Variants in TRDN observed in about 807,000 individuals in gnomAD.
TRDN encodes triadin, also known as triadin in skeletal muscle.
TRDN carries 161 observed loss-of-function variants against 149.7 expected under a neutral mutation model. That is an observed-to-expected ratio of 1.08 (90% CI 0.95 to 1.23). The LOEUF (loss-of-function observed/expected upper bound fraction) is 1.23. Ranked by LOEUF, TRDN falls within the 50% of genes most tolerant of loss-of-function variation. The probability of loss-of-function intolerance (pLI) is 0.00; values close to 1 mark genes in which losing one functional copy is unlikely to be tolerated. For synonymous variants in TRDN, 294 were observed against 250.5 expected (o/e 1.17, Z -1.64); for missense variants, 896 against 823.5 (o/e 1.09, Z -1.08).
At chr6:123,472,912 A>C (rs1202853641) in intron 9 of TRDN, among the ~76,000 whole-genome samples, 2 of 152,238 alleles carry the variant, frequency 1.3e-5, no homozygotes, top group Non-Finnish European at 2.9e-5. Flanking sequence ...ACTAACAAAC[A>C]GAAAGGACAT....
rs1011002824 is a variant in TRDN, at chr6:123,352,399, C to G, written c.1369+140G>C. The stretch of plus-strand genomic sequence containing the variant: ...TTGCTGTCTCACATTCTCCCTGGCA[C>G]AGAAAAACATGCAAGGACAGTGATA... On this transcript the variant is annotated intron_variant, in intron 21 of 40. Coordinates refer to ENST00000334268, the MANE Select transcript of TRDN (RefSeq NM_006073.4). The G allele has an allele frequency of 2.9e-6, 4 of 1,392,336 alleles. No homozygotes were observed. In the Admixed American group the frequency reaches 1.3e-4, roughly 47 times the overall value. 86.2% of individuals were successfully genotyped at this position (1,392,336 alleles called of 1,614,324 possible). A position where few individuals can be genotyped will look rare whatever the true frequency, so the allele number is the denominator to read the frequency against.
intron 12 of TRDN, among the ~76,000 whole-genome samples, chr6:123,405,616 G>A (rs1773162691): frequency 6.6e-6 from 1 of 152,166 alleles, no homozygotes; most frequent in Admixed American, 6.5e-5. Flanking sequence ...GCCGGAAATG[G>A]CTAAAGGAAG....
At chr6:123,486,607 C>T (rs951818172) in intron 9 of TRDN, among the ~76,000 whole-genome samples, 17 of 151,566 alleles carry the variant, frequency 1.1e-4, no homozygotes, top group African/African-American at 4.1e-4. Context: ...GGGCCAATTA[C>T]ATAACCTTAT....
chr6:123,223,363 A>G (rs1238860340), intron 39 of TRDN, among the ~76,000 whole-genome samples: 1 of 151,790 alleles, frequency 6.6e-6, no homozygotes, highest in African/African-American at 2.4e-5. Flanking sequence ...GGGTGATGAA[A>G]TAATCTGTAC....
intron 10 of TRDN, chr6:123,441,879 T>A (rs1583026490): frequency 6.6e-6 from 1 of 152,250 alleles, no homozygotes; most frequent in African/African-American, 2.4e-5. Flanking sequence ...AGATGAGTGC[T>A]TTTATTCTAA....
At chr6:123,233,205 A>T (rs72972652) in intron 38 of TRDN, among the ~76,000 whole-genome samples, 60,731 of 151,902 alleles carry the variant, frequency 0.4, 13,070 homozygotes, top group Middle Eastern at 0.55. Flanking sequence ...AAGAAATCTT[A>T]AAAACCCACG....
At chr6:123,627,809 C>A in intron 1 of TRDN, among the ~76,000 whole-genome samples, 1 of 152,180 alleles carries the variant, frequency 6.6e-6, no homozygotes, top group African/African-American at 2.4e-5. Flanking sequence ...CTACATCAAT[C>A]CTTGCTGCTT....
chr6:123,378,028 A>T, intron 16 of TRDN, 130 bp from the exon 17 acceptor site: 2 of 589,780 alleles, frequency 3.4e-6, no homozygotes, highest in South Asian at 5.0e-5. Context: ...ATAATGGCTT[A>T]CATAAAAAGG....
chr6:123,308,934 A>C (rs1215382882), intron 24 of TRDN, among the ~76,000 whole-genome samples: 2 of 152,052 alleles, frequency 1.3e-5, no homozygotes, highest in African/African-American at 2.4e-5. Context: ...TCATTTACTG[A>C]ACATTAGTCA....
intron 18 of TRDN, 100 bp downstream of exon 18, chr6:123,377,616 C>T (rs1781557634): frequency 2.9e-6 from 4 of 1,372,574 alleles, no homozygotes; most frequent in Admixed American, 3.8e-5. Context: ...GAAGCATTCC[C>T]CACCCTTTAC....
chr6:123,282,001 G>T (rs564621770), intron 24 of TRDN, among the ~76,000 whole-genome samples: 1 of 152,038 alleles, frequency 6.6e-6, no homozygotes, highest in African/African-American at 2.4e-5. Context: ...GTTAAGATGA[G>T]ATCATTATCC....
intron 24 of TRDN, among the ~76,000 whole-genome samples, chr6:123,281,613 A>C (rs1208250157): frequency 6.6e-6 from 1 of 152,008 alleles, no homozygotes; most frequent in African/African-American, 2.4e-5. Flanking sequence ...ACACCAAAAA[A>C]CCCTAAAATA....
At chr6:123,345,727 T>C (rs561826921) in intron 21 of TRDN, among the ~76,000 whole-genome samples, 1 of 152,210 alleles carries the variant, frequency 6.6e-6, no homozygotes, top group Non-Finnish European at 1.5e-5. Flanking sequence ...TTTCTGTTTA[T>C]TTCTTTTACG....
intron 19 of TRDN, among the ~76,000 whole-genome samples, chr6:123,372,698 T>A (rs1299204017): frequency 6.6e-6 from 1 of 152,162 alleles, no homozygotes; most frequent in South Asian, 2.1e-4. Context: ...TGGTAAACAA[T>A]GTCTACTATA....
chr6:123,584,216 TAAC>T (rs1397383077), intron 1 of TRDN, among the ~76,000 whole-genome samples: 1 of 152,022 alleles, frequency 6.6e-6, no homozygotes. Context: ...TTGTGGGACT[TAAC>T]AAAGAGTGAG....
chr6:123,390,653 A>G (rs1782073183), intron 13 of TRDN, among the ~76,000 whole-genome samples: 1 of 152,054 alleles, frequency 6.6e-6, no homozygotes, highest in Non-Finnish European at 1.5e-5. Context: ...TCGGGATTCA[A>G]TTGTTTCTAG....
rs535704866 is a variant in TRDN at position 123,445,112 on chromosome 6, T to G, written c.932-6109A>C. Reference sequence around the variant, plus strand: ...AAGGAATGGTACCAGTTCCTCCTTGTACCTCTGGTAGAATTTGGCTGTGAA... The same window carrying G: ...AAGGAATGGTACCAGTTCCTCCTTGGACCTCTGGTAGAATTTGGCTGTGAA... On this transcript the variant is annotated intron_variant, in intron 10 of 40. Transcript: ENST00000334268. 4.0e-5 allele frequency: 6 copies of G among 151,632 alleles called. No homozygotes were observed. The East Asian group carries it at 1.2e-3, about 30-fold the overall frequency. The allele number at this position is 151,632 out of a possible 1,614,324, so 9.4% of individuals were successfully genotyped here. A position where few individuals can be genotyped will look rare whatever the true frequency, so the allele number is the denominator to read the frequency against.
chr6:123,259,889 T>C (rs1399360431), intron 34 of TRDN, among the ~76,000 whole-genome samples: 1 of 151,750 alleles, frequency 6.6e-6, no homozygotes, highest in African/African-American at 2.4e-5. Context: ...CTCTAAGTCT[T>C]TTACTCCTCT....
intron 10 of TRDN, among the ~76,000 whole-genome samples, chr6:123,446,935 C>G (rs1359133830): frequency 6.6e-6 from 1 of 151,644 alleles, no homozygotes; most frequent in East Asian, 1.9e-4. Flanking sequence ...CAAAAATTTC[C>G]TCGGAATTTT....
Sources: allele counts gnomAD v4.1 joint callset (sites outside exome capture counted in the v4.1 genomes callset), GRCh38; gene constraint gnomAD v4.1.1; transcripts MANE v1.5; gene names NCBI Gene and HGNC (gene_info 2026-07-23, HGNC 2026-07-21).